Variants in NRXN3 observed in about 807,000 individuals in gnomAD.
The protein encoded by NRXN3 is neurexin III.
Under a neutral mutation model 137.6 loss-of-function variants are expected in NRXN3, and 32 were observed. The ratio of observed to expected loss-of-function variants is 0.23; its 90% CI spans 0.18 to 0.31. NRXN3 has a LOEUF of 0.31. Among genes scored for constraint, NRXN3 ranks in the 10% least tolerant of loss-of-function variants. The pLI is 1.00. For synonymous variants in NRXN3, 798 were observed against 784.5 expected (o/e 1.02, Z -0.29); for missense variants, 1,574 against 2,062.5 (o/e 0.76, Z 4.59).
rs982827514 is a variant in NRXN3, at chr14:78,587,048, T to G, written c.758-58072T>G. 5.9e-5 allele frequency among the ~76,000 whole-genome samples: 9 copies of G among 152,176 alleles called. 1 individual carries two copies. Among genetic ancestry groups the G allele is most frequent in the Admixed American group, 3.3e-4 (5 of 15,278 alleles). ...GCTTGAAGAGGGGAGTTAGATTTAC[T>G]GGGGCTTCTCTAAAGATTCTGTGTC... On this transcript the variant is annotated intron_variant, in intron 4 of 20. Coordinates refer to ENST00000335750, the MANE Select transcript of NRXN3 (RefSeq NM_001330195.2).
intron 15 of NRXN3, among the ~76,000 whole-genome samples, chr14:79,141,680 G>A (rs1258569212): frequency 3.3e-5 from 5 of 152,160 alleles, no homozygotes; most frequent in African/African-American, 1.2e-4. Context: ...CTTGTTTTCT[G>A]AAACCATCCT....
intron 4 of NRXN3, among the ~76,000 whole-genome samples, chr14:78,335,535 T>C (rs751005729): frequency 3.9e-5 from 6 of 152,206 alleles, no homozygotes; most frequent in Non-Finnish European, 5.9e-5. Context: ...GATATTAATG[T>C]ATAATATATT....
chr14:79,554,329 C>T (rs1451465967), intron 16 of NRXN3, among the ~76,000 whole-genome samples: 2 of 152,152 alleles, frequency 1.3e-5, no homozygotes, highest in South Asian at 2.1e-4. Context: ...TGCTGAAACA[C>T]GTTGTCTACT....
intron 10 of NRXN3, among the ~76,000 whole-genome samples, chr14:78,894,062 A>G (rs924970797): frequency 6.6e-6 from 1 of 151,932 alleles, no homozygotes; most frequent in Non-Finnish European, 1.5e-5. Context: ...CTTGATATTG[A>G]CGGCTGCTCA....
intron 19 of NRXN3, among the ~76,000 whole-genome samples, chr14:79,797,362 G>A (rs539321018): frequency 5.3e-4 from 81 of 152,270 alleles, no homozygotes; most frequent in African/African-American, 1.9e-3. Flanking sequence ...AGAACCCATG[G>A]CATAAACCTT....
intron 15 of NRXN3, among the ~76,000 whole-genome samples, chr14:78,989,272 A>T (rs1252537736): frequency 6.6e-6 from 1 of 152,154 alleles, no homozygotes; most frequent in East Asian, 1.9e-4. Context: ...TTACAATGCT[A>T]TGCCCCCCAG....
chr14:79,794,911 T>G (rs1032541082), intron 19 of NRXN3, among the ~76,000 whole-genome samples: 4 of 152,206 alleles, frequency 2.6e-5, no homozygotes, highest in Non-Finnish European at 5.9e-5. Context: ...CTGCTTGCTT[T>G]CATGCCGCAC....
chr14:78,672,445 G>A (rs995929326), intron 6 of NRXN3, among the ~76,000 whole-genome samples: 1 of 152,194 alleles, frequency 6.6e-6, no homozygotes, highest in African/African-American at 2.4e-5. Context: ...ATTACTTCTG[G>A]TCATTAGATT....
chr14:78,755,058 C>T (rs2098661503), intron 8 of NRXN3, among the ~76,000 whole-genome samples: 1 of 152,114 alleles, frequency 6.6e-6, no homozygotes, highest in African/African-American at 2.4e-5. Context: ...CATTTACTCT[C>T]ATGGAATGCC....
At chr14:78,647,454 G>T (rs2097698696) in intron 5 of NRXN3, among the ~76,000 whole-genome samples, 1 of 152,194 alleles carries the variant, frequency 6.6e-6, no homozygotes, top group African/African-American at 2.4e-5. Context: ...GAAGGATTAT[G>T]AGCTCATCCA....
chr14:78,500,051 T>C (rs1286529000), intron 4 of NRXN3, among the ~76,000 whole-genome samples: 1 of 152,158 alleles, frequency 6.6e-6, no homozygotes, highest in Non-Finnish European at 1.5e-5. Context: ...GTGGGGACCA[T>C]TGAGGCTATC....
At chr14:78,877,843 G>A (rs2099117477) in intron 10 of NRXN3, among the ~76,000 whole-genome samples, 1 of 152,042 alleles carries the variant, frequency 6.6e-6, no homozygotes, top group Non-Finnish European at 1.5e-5. Context: ...CACCTTCCAG[G>A]TGCCAGATAC....
At chr14:79,724,906 T>C (rs2098873621) in intron 19 of NRXN3, among the ~76,000 whole-genome samples, 1 of 151,988 alleles carries the variant, frequency 6.6e-6, no homozygotes, top group Admixed American at 6.6e-5. Flanking sequence ...AGTGCTGAAA[T>C]TGATGATATA....
At chr14:78,897,964 A>T (rs570036721) in intron 10 of NRXN3, among the ~76,000 whole-genome samples, 1 of 152,036 alleles carries the variant, frequency 6.6e-6, no homozygotes, top group South Asian at 2.1e-4. Context: ...ATCTCACATC[A>T]TGTAGTTTTG....
intron 15 of NRXN3, among the ~76,000 whole-genome samples, chr14:79,290,192 C>T (rs2082944974): frequency 6.6e-6 from 1 of 152,140 alleles, no homozygotes; most frequent in Non-Finnish European, 1.5e-5. Flanking sequence ...AATGATCTGC[C>T]TGTTCCTGTA....
intron 8 of NRXN3, among the ~76,000 whole-genome samples, chr14:78,727,519 G>C (rs902260756): frequency 6.6e-6 from 1 of 152,134 alleles, no homozygotes; most frequent in African/African-American, 2.4e-5. Flanking sequence ...AGGGCAGGTG[G>C]ATCACCTGAG....
At chr14:78,237,929 G>A (rs960044768) in intron 1 of NRXN3, among the ~76,000 whole-genome samples, 2 of 152,154 alleles carry the variant, frequency 1.3e-5, no homozygotes, top group Admixed American at 6.5e-5. Context: ...GCAAAGGCTG[G>A]GCACAAGGAC....
At position 78,529,149 on chromosome 14, in the gene NRXN3, A is replaced by G. The variant is rs568487640; in HGVS notation, c.758-115971A>G. 2.0e-5 allele frequency among the ~76,000 whole-genome samples: 3 copies of G among 152,320 alleles called. No homozygotes were observed. The South Asian group carries it at 6.2e-4, about 32-fold the overall frequency. Reference sequence around the variant, plus strand: ...ATAATAGAGCCTGACTAAATGTGCCAGGGAAAAAAGTGTAGCGTCCTTAAA... The same window carrying G: ...ATAATAGAGCCTGACTAAATGTGCCGGGGAAAAAAGTGTAGCGTCCTTAAA... On this transcript the variant is annotated intron_variant, in intron 4 of 20. Transcript: ENST00000335750.
rs769818353 is a variant in NRXN3 at position 78,968,364 on chromosome 14, C to A, written c.3142+18C>A. 1 of 1,609,832 alleles carries A rather than the reference C, an allele frequency of 6.2e-7. No individual in the cohort carries two copies. On this transcript the variant is annotated intron_variant, in intron 14 of 20. Coordinates refer to ENST00000335750, the MANE Select transcript of NRXN3 (RefSeq NM_001330195.2). ...CTGTGAAGGTACAACCTATTTTTTT[C>A]TTGTTAAGCTACAGCCTTGTTGCAA...
Sources: allele counts gnomAD v4.1 joint callset (sites outside exome capture counted in the v4.1 genomes callset), GRCh38; gene constraint gnomAD v4.1.1; transcripts MANE v1.5; gene names NCBI Gene and HGNC (gene_info 2026-07-23, HGNC 2026-07-21).